RFPL1: variants seen among roughly 807,000 people sequenced by gnomAD.
RFPL1 encodes ret finger protein-like 1.
RFPL1 carries 6 observed loss-of-function variants against 9.6 expected under a neutral mutation model. That is an observed-to-expected ratio of 0.62 (90% CI 0.34 to 1.23). RFPL1 has a LOEUF of 1.23. Among genes scored for constraint, RFPL1 ranks in the 50% most tolerant of loss-of-function variants. The pLI is 0.03. For missense variants in RFPL1, 352 were observed against 398.4 expected (o/e 0.88, Z 0.99); for synonymous variants, 145 against 149.4 (o/e 0.97, Z 0.22).
At chr22:29,419,497 C>G in the RFPL1 span, among the ~76,000 whole-genome samples, 11 of 152,034 alleles carry the variant, frequency 7.2e-5, no homozygotes, top group Non-Finnish European at 1.6e-4. Context: ...CACCTGTAAT[C>G]CCAGCACTTT....
At chr22:29,416,787 T>A in the RFPL1 span, among the ~76,000 whole-genome samples, 8 of 152,156 alleles carry the variant, frequency 5.3e-5, no homozygotes, top group Admixed American at 1.3e-4. Context: ...CAGGGGATGA[T>A]CCCCATTTCA....
At chr22:29,430,799 T>C in the RFPL1 span, among the ~76,000 whole-genome samples, 5 of 152,330 alleles carry the variant, frequency 3.3e-5, no homozygotes, top group African/African-American at 7.2e-5. Flanking sequence ...AGATATTTCA[T>C]TGTAACAGTT....
the RFPL1 span, chr22:29,419,170 A>G: frequency 4.4e-6 from 7 of 1,609,010 alleles, no homozygotes; most frequent in Non-Finnish European, 6.0e-6. Context: ...ATCTTTGCCC[A>G]CGGTCATCGA....
At chr22:29,410,602 T>TATAG in the RFPL1 span, among the ~76,000 whole-genome samples, 2 of 106,724 alleles carry the variant, frequency 1.9e-5, no homozygotes, top group African/African-American at 4.1e-5. Flanking sequence ...TATAGATATA[T>TATAG]ATAGATATAT....
chr22:29,406,812 C>A, the RFPL1 span, among the ~76,000 whole-genome samples: 29,706 of 152,136 alleles, frequency 0.2, 3,038 homozygotes, highest in African/African-American at 0.23. Flanking sequence ...GGTTTGGACG[C>A]CCGCTCCAAG....
chr22:29,416,963 T>C, the RFPL1 span, among the ~76,000 whole-genome samples: 18 of 152,344 alleles, frequency 1.2e-4, no homozygotes, highest in African/African-American at 3.6e-4. Flanking sequence ...AGATCAATTT[T>C]CTATCTCTGG....
chr22:29,431,840 G>A, the RFPL1 span, among the ~76,000 whole-genome samples: 21 of 151,890 alleles, frequency 1.4e-4, no homozygotes, highest in Middle Eastern at 6.8e-3. Flanking sequence ...ACAGATGTGC[G>A]CCACCAAGCC....
At chr22:29,390,582 T>TTTTTTTTATTTATTTATTTA in the RFPL1 span, among the ~76,000 whole-genome samples, 2 of 146,838 alleles carry the variant, frequency 1.4e-5, no homozygotes, top group African/African-American at 5.1e-5. Flanking sequence ...CTTATTCCAT[T>TTTTTTTTATTTATTTATTTA]TTTATTTATT....
chr22:29,422,808 T>TACACAC, the RFPL1 span, among the ~76,000 whole-genome samples: 1,018 of 150,228 alleles, frequency 6.8e-3, 7 homozygotes, highest in African/African-American at 0.013. Context: ...AACACACACA[T>TACACAC]ACACACACAC....
chr22:29,437,748 T>C, upstream of RFPL1: 8 of 1,575,136 alleles, frequency 5.1e-6, no homozygotes, highest in Non-Finnish European at 6.9e-6. Flanking sequence ...CATGCCTGTG[T>C]GTGTGTTTTT....
chr22:29,424,829 T>TCCCCCCCC, the RFPL1 span, among the ~76,000 whole-genome samples: 1 of 18,774 alleles, frequency 5.3e-5, no homozygotes, highest in Admixed American at 5.7e-4. Context: ...TCCCTGTCCC[T>TCCCCCCCC]CCCACCCCCC....
the RFPL1 span, among the ~76,000 whole-genome samples, chr22:29,420,633 G>GT: frequency 3.9e-4 from 8 of 20,388 alleles, 1 homozygote; most frequent in Non-Finnish European, 6.1e-4. Flanking sequence ...ATGGTTTTTT[G>GT]CTTTTTTTTT....
the RFPL1 span, among the ~76,000 whole-genome samples, chr22:29,410,548 GATATATATTGTAGAT>G: frequency 2.5e-4 from 23 of 90,362 alleles, no homozygotes; most frequent in African/African-American, 6.0e-4. Context: ...TATATATAGA[GATATATATTGTAGAT>G]ATATATATTG....
chr22:29,410,372 C>A, the RFPL1 span, among the ~76,000 whole-genome samples: 68 of 59,242 alleles, frequency 1.1e-3, 2 homozygotes, highest in Non-Finnish European at 1.5e-3. Context: ...ATATATATAT[C>A]TATATATATA....
upstream of RFPL1, chr22:29,437,952 GATT>G: frequency 3.4e-6 from 1 of 297,664 alleles, no homozygotes; most frequent in Middle Eastern, 9.5e-4. Flanking sequence ...AGAAGGATGT[GATT>G]TTTTTTTTTT....
At chr22:29,419,541 A>T in the RFPL1 span, among the ~76,000 whole-genome samples, 1 of 152,138 alleles carries the variant, frequency 6.6e-6, no homozygotes, top group Non-Finnish European at 1.5e-5. Context: ...ACGGTGGCTC[A>T]TGTCTGTAAT....
chr22:29,408,437 C>T, the RFPL1 span, among the ~76,000 whole-genome samples: 4 of 152,216 alleles, frequency 2.6e-5, no homozygotes, highest in African/African-American at 4.8e-5. Context: ...GTCCATATCC[C>T]CCAAGGCTCC....
the RFPL1 span, among the ~76,000 whole-genome samples, chr22:29,428,216 A>G: frequency 6.6e-6 from 1 of 152,222 alleles, no homozygotes; most frequent in Non-Finnish European, 1.5e-5. Flanking sequence ...GAGTAGCTAC[A>G]CTTGTGTCAG....
chr22:29,439,301 C>A, intron 1 of RFPL1, 137 bp downstream of exon 1: 2 of 1,279,206 alleles, frequency 1.6e-6, no homozygotes, highest in Non-Finnish European at 2.2e-6. Flanking sequence ...TCATCAGATT[C>A]TCAGCCCTGA....
Sources: gnomAD v4.1 joint callset for allele counts (sites outside exome capture counted in the v4.1 genomes callset) on GRCh38, gnomAD v4.1.1 for gene constraint, MANE v1.5 for transcripts, NCBI Gene and HGNC (gene_info 2026-07-23, HGNC 2026-07-21) for gene names.